The following USP24 variants were observed in gnomAD, a reference collection of about 807,000 sequenced individuals.
The protein encoded by USP24 is ubiquitin specific peptidase 24, also known as ubiquitin carboxyl-terminal hydrolase 24.
Under a neutral mutation model 361.6 loss-of-function variants are expected in USP24, and 97 were observed. That is an observed-to-expected ratio of 0.27 (90% confidence interval 0.23 to 0.32). USP24 has a LOEUF of 0.32. Ranked by LOEUF, USP24 falls within the 10% of genes least tolerant of loss-of-function variation. The pLI, the probability that USP24 is intolerant of heterozygous loss-of-function variation, is 1.00. For missense variants in USP24, 2,353 were observed against 3,165.6 expected (o/e 0.74, Z 6.16); for synonymous variants, 1,098 against 1,124.6 (o/e 0.98, Z 0.47).
At chr1:55,143,987 T>C (rs1013140443) in intron 21 of USP24, 140 bp downstream of exon 21, 13 of 632,160 alleles carry the variant, frequency 2.1e-5, no homozygotes, top group African/African-American at 1.7e-4. Context: ...GTCATCAACA[T>C]AGAAGCTGGC....
In USP24 at chr1:55,104,979, T is replaced by C. The variant is rs139895863; in HGVS notation, c.4881-959A>G. 3.0e-3 allele frequency among the ~76,000 whole-genome samples: 459 copies of C among 152,322 alleles called. 4 individuals carry two copies. Among genetic ancestry groups the C allele is most frequent in the African/African-American group, 0.01 (420 of 41,568 alleles). On this transcript the variant is annotated intron_variant, in intron 41 of 67. Coordinates refer to ENST00000294383, the MANE Select transcript of USP24 (RefSeq NM_015306.3). Reference sequence around the variant, plus strand: ...TAAATCTCTTTCTTCCTTGAAGGTTTTGGTGGGAAAAGACTGGGAATTACT... The same window carrying C: ...TAAATCTCTTTCTTCCTTGAAGGTTCTGGTGGGAAAAGACTGGGAATTACT...
chr1:55,071,524 C>T (rs374575852), intron 67 of USP24: 18 of 1,176,942 alleles, frequency 1.5e-5, no homozygotes, highest in Non-Finnish European at 1.4e-5. Context: ...CAAGCTGGAA[C>T]GAATCCCCCT....
chr1:55,178,504 T>G (rs1650219427), intron 1 of USP24, among the ~76,000 whole-genome samples: 1 of 151,250 alleles, frequency 6.6e-6, no homozygotes, highest in African/African-American at 2.4e-5. Context: ...CCGTCTCTAT[T>G]AAAAATACAA....
chr1:55,072,966 A>C, intron 64 of USP24, 105 bp from the exon 65 acceptor site: 1 of 1,113,450 alleles, frequency 9.0e-7, no homozygotes, highest in Non-Finnish European at 1.3e-6. Flanking sequence ...AGTTGTCTTT[A>C]TATTTGTGAT....
intron 1 of USP24, among the ~76,000 whole-genome samples, chr1:55,213,879 A>AC (rs1046406445): frequency 6.7e-6 from 1 of 150,302 alleles, no homozygotes; most frequent in Admixed American, 6.6e-5. Flanking sequence ...CTCCTCCTCC[A>AC]CCCCCACTGC....
chr1:55,071,718 G>T, intron 67 of USP24, 96 bp downstream of exon 67: 1 of 1,280,172 alleles, frequency 7.8e-7, no homozygotes, highest in South Asian at 1.3e-5. Flanking sequence ...ACATTCCAGA[G>T]GAAGCATCTT....
Position 55,154,742 on chromosome 1 carries a change from T to C in USP24, c.1483A>G (p.Thr495Ala), listed in dbSNP as rs1015272658. ...TTCACAGCCGCTGCAGCAATAATAG[T>C]ATGAATGTTCTCAATCACAGTAGAT... ...QSSTVIENIH[T>A]IIAAAAVKFN... Residue 495 changes from threonine (T) to alanine (A), a missense_variant, in exon 13 of 68, where the codon ACT becomes GCT. Around this residue, in one of 8 missense-constraint regions of USP24, gnomAD observed 386 missense variants for 560.5 expected, o/e 0.69. Coordinates refer to ENST00000294383, the MANE Select transcript of USP24 (RefSeq NM_015306.3). The C allele has an allele frequency of 4.3e-6, 7 of 1,613,138 alleles. No homozygotes were observed. Among genetic ancestry groups the C allele is most frequent in the Admixed American group, 1.7e-5 (1 of 59,916 alleles).
At chr1:55,072,688 A>T in intron 65 of USP24, 98 bp downstream of exon 65, 1 of 1,186,462 alleles carries the variant, frequency 8.4e-7, no homozygotes, top group Middle Eastern at 2.0e-4. Flanking sequence ...AAAACACTTT[A>T]AGGTCAGTCT....
intron 56 of USP24, 89 bp downstream of exon 56, chr1:55,085,846 ACCAGACT>A: frequency 7.8e-7 from 1 of 1,285,610 alleles, no homozygotes; most frequent in Non-Finnish European, 1.1e-6. Context: ...TGGCAAAATT[ACCAGACT>A]CCAATCCTAG....
At position 55,147,728 on chromosome 1, in the gene USP24, T is replaced by C. The variant is rs1435574305; in HGVS notation, c.2039A>G (p.His680Arg). Residue 680 changes from histidine (H) to arginine (R), a missense_variant, in exon 18 of 68, where the codon CAT (histidine) becomes CGT (arginine). This residue lies in a region of USP24 where 949 missense variants were observed against 1,280.5 expected (regional missense o/e 0.74). Coordinates refer to ENST00000294383, the MANE Select transcript of USP24 (RefSeq NM_015306.3). ...KLVTGSLIAC[H>R]RLAAAVAGPG... is the part of the protein sequence containing the mutation. ...CCCGGCCACAGCAGCTGCAAGCCGA[T>C]GACAAGCGATCAAACTTCCCGTTAC... 4 of 1,612,686 alleles carry C rather than the reference T, an allele frequency of 2.5e-6. No individual in the cohort carries two copies. The highest frequency in any genetic ancestry group is 2.2e-5 in the East Asian group (1 of 44,772).
At position 55,147,809 on chromosome 1, in the gene USP24, AT is replaced by A. The variant is rs1647071717; in HGVS notation, c.1969-12del. The A allele has an allele frequency of 6.2e-7, 1 of 1,609,488 alleles. No homozygotes were observed. The highest frequency in any genetic ancestry group is 1.3e-5 in the African/African-American group (1 of 74,772). ...GTCTTGAATAATGCTCTTGGCGAAA[AT>A]AACAAAAAGAAAAGTGGTAATGAGA... On this transcript the variant is annotated splice_polypyrimidine_tract_variant and intron_variant, in intron 17 of 67. Coordinates refer to ENST00000294383, the MANE Select transcript of USP24 (RefSeq NM_015306.3).
intron 1 of USP24, among the ~76,000 whole-genome samples, chr1:55,213,729 T>A (rs1644906610): frequency 6.6e-6 from 1 of 152,218 alleles, no homozygotes; most frequent in Non-Finnish European, 1.5e-5. Context: ...AAAGCACTGC[T>A]GCTTCTGGTC....
chr1:55,101,472 C>T, intron 43 of USP24, 112 bp downstream of exon 43: 1 of 1,430,802 alleles, frequency 7.0e-7, no homozygotes, highest in South Asian at 1.3e-5. Flanking sequence ...TAAAGAATTG[C>T]AAGTTATGTC....
At chr1:55,188,887 G>A (rs1644206475) in intron 1 of USP24, among the ~76,000 whole-genome samples, 1 of 149,528 alleles carries the variant, frequency 6.7e-6, no homozygotes, top group Non-Finnish European at 1.5e-5. Flanking sequence ...TTGAACCTGG[G>A]AGGCGGAGGT....
In USP24 at chr1:55,100,923, A is replaced by G. The variant is rs748664384; in HGVS notation, c.5187T>C (p.Asp1729=). 3.7e-6 allele frequency: 6 copies of G among 1,613,686 alleles called. No homozygotes were observed. The South Asian group carries it at 4.4e-5, about 12-fold the overall frequency. ...GAGACTGCACTTGGTAAAACACGCTATCATCTGGATTGTCTGTGTCATCAT... is the reference window on the plus strand; with the variant it reads ...GAGACTGCACTTGGTAAAACACGCTGTCATCTGGATTGTCTGTGTCATCAT... ...SVDDDTDNPD[D]SVFYQVQSLF... is the part of the protein sequence containing the mutation. The change falls in exon 44 of 68, where the codon GAT becomes GAC. Residue 1729 remains aspartate, a synonymous_variant. Coordinates refer to ENST00000294383, the MANE Select transcript of USP24 (RefSeq NM_015306.3).
intron 19 of USP24, among the ~76,000 whole-genome samples, chr1:55,146,334 T>C (rs1647028436): frequency 6.6e-6 from 1 of 152,214 alleles, no homozygotes; most frequent in Non-Finnish European, 1.5e-5. Context: ...CTGGATTTTA[T>C]ACTTGGGTTT....
chr1:55,161,488 G>C (rs932129236), intron 8 of USP24, among the ~76,000 whole-genome samples: 2 of 151,890 alleles, frequency 1.3e-5, no homozygotes, highest in Non-Finnish European at 2.9e-5. Context: ...ATGTTGGAAA[G>C]AACAGTGCAT....
In USP24 at chr1:55,168,749, T is replaced by C. The variant is rs563062094; in HGVS notation, c.826-2146A>G. Among the ~76,000 whole-genome samples, 16 of 152,302 alleles carry C rather than the reference T, an allele frequency of 1.1e-4. No individual in the cohort carries two copies. In the South Asian group the frequency reaches 2.9e-3, roughly 28 times the overall value. Reference sequence around the variant, plus strand: ...TCATAACCACAGAATTGCCCTCATATGGCTTTACTGCTCAAATTCACACTG... The same window carrying C: ...TCATAACCACAGAATTGCCCTCATACGGCTTTACTGCTCAAATTCACACTG... On this transcript the variant is annotated intron_variant, in intron 5 of 67. Coordinates refer to ENST00000294383, the MANE Select transcript of USP24 (RefSeq NM_015306.3).
intron 53 of USP24, among the ~76,000 whole-genome samples, chr1:55,092,589 C>T (rs1349359426): frequency 5.3e-5 from 8 of 152,208 alleles, no homozygotes; most frequent in African/African-American, 1.4e-4. Context: ...AACAAGGGCA[C>T]TTTAGAAAGC....
Sources: allele counts gnomAD v4.1 joint callset (sites outside exome capture counted in the v4.1 genomes callset), GRCh38; gene constraint gnomAD v4.1.1; regional missense constraint gnomAD v4.1.1; transcripts MANE v1.5; gene names NCBI Gene and HGNC (gene_info 2026-07-23, HGNC 2026-07-21).